The following KCNH8 variants were observed in gnomAD, a reference collection of about 807,000 sequenced individuals.
KCNH8 encodes the protein voltage-gated delayed rectifier potassium channel KCNH8.
KCNH8 carries 70 observed loss-of-function variants against 103.6 expected under a neutral mutation model. That is an observed-to-expected ratio of 0.68 (90% CI 0.56 to 0.82). The LOEUF (loss-of-function observed/expected upper bound fraction) is 0.82, where lower values mean the gene tolerates loss of function less well. KCNH8 is among the 40% of genes least tolerant of loss of function. The pLI, the probability that KCNH8 is intolerant of heterozygous loss-of-function variation, is 0.00. For missense variants in KCNH8, 1,217 were observed against 1,329.9 expected, an observed-to-expected ratio of 0.92 and a Z score of 1.32; for synonymous variants, 498 against 489.4, an observed-to-expected ratio of 1.02 and a Z score of -0.23.
At chr3:19,314,280 A>G (rs888262644) in intron 3 of KCNH8, among the ~76,000 whole-genome samples, 5 of 151,976 alleles carry the variant, frequency 3.3e-5, no homozygotes, top group Non-Finnish European at 7.4e-5. Flanking sequence ...TATTGATACT[A>G]CAGTACTTGG....
intron 1 of KCNH8, among the ~76,000 whole-genome samples, chr3:19,174,601 A>G (rs144478591): frequency 6.6e-6 from 1 of 152,296 alleles, no homozygotes; most frequent in Non-Finnish European, 1.5e-5. Context: ...TGAACTTGCA[A>G]GTTTTTAGTG....
At chr3:19,314,427 TG>T (rs912371636) in intron 3 of KCNH8, among the ~76,000 whole-genome samples, 2 of 151,800 alleles carry the variant, frequency 1.3e-5, no homozygotes, top group Admixed American at 1.3e-4. Context: ...ACAATTAGAC[TG>T]GCATGGTGGT....
intron 11 of KCNH8, among the ~76,000 whole-genome samples, chr3:19,490,133 C>T (rs977016297): frequency 5.3e-5 from 8 of 152,214 alleles, no homozygotes; most frequent in African/African-American, 1.9e-4. Context: ...GGCCGGAGTC[C>T]CCCGCAGGGA....
At position 19,336,856 on chromosome 3, in the gene KCNH8, A is replaced by G. The variant is rs192201324; in HGVS notation, c.443-5731A>G. Among the ~76,000 whole-genome samples, 531 of 152,160 alleles carry G rather than the reference A, an allele frequency of 3.5e-3. 1 individual carries two copies. Among genetic ancestry groups the G allele is most frequent in the African/African-American group, 0.012 (499 of 41,558 alleles). On this transcript the variant is annotated intron_variant, in intron 3 of 15. Transcript: ENST00000328405. ...AAGCATGTTATAAAAGTAGTTTACA[A>G]TGTAAAAGTAGGGATATGAGAGAAA... is the stretch of plus-strand genomic sequence containing the variant.
chr3:19,449,855 T>G (rs940379493), intron 8 of KCNH8, among the ~76,000 whole-genome samples: 15 of 152,112 alleles, frequency 9.9e-5, no homozygotes, highest in African/African-American at 3.6e-4. Flanking sequence ...GGGCCTATTT[T>G]GCATATGATT....
intron 5 of KCNH8, among the ~76,000 whole-genome samples, chr3:19,369,801 T>C (rs754450091): frequency 6.6e-6 from 1 of 151,962 alleles, no homozygotes; most frequent in Admixed American, 6.6e-5. Flanking sequence ...CTCGAAACCC[T>C]GTATGCTCCA....
chr3:19,505,106 A>G (rs769936379), intron 11 of KCNH8, among the ~76,000 whole-genome samples: 4 of 150,410 alleles, frequency 2.7e-5, no homozygotes, highest in Non-Finnish European at 5.9e-5. Context: ...CACACACACC[A>G]TGGAATACTA....
intron 2 of KCNH8, among the ~76,000 whole-genome samples, chr3:19,261,966 TTGTC>T (rs947716512): frequency 3.3e-5 from 5 of 151,826 alleles, no homozygotes; most frequent in Non-Finnish European, 5.9e-5. Flanking sequence ...TCCCTGTTCT[TTGTC>T]TGTTTTTAAT....
intron 7 of KCNH8, among the ~76,000 whole-genome samples, chr3:19,408,824 A>G (rs78827620): frequency 0.037 from 5,604 of 152,246 alleles, 290 homozygotes; most frequent in East Asian, 0.18. Context: ...GAAGAAAAAA[A>G]GAATTTTAAA....
chr3:19,511,585 G>T (rs2068783782), intron 12 of KCNH8, among the ~76,000 whole-genome samples: 1 of 152,072 alleles, frequency 6.6e-6, no homozygotes, highest in Admixed American at 6.6e-5. Flanking sequence ...GTATACAAAT[G>T]TTCCCCTGTA....
intron 5 of KCNH8, among the ~76,000 whole-genome samples, chr3:19,376,106 T>C (rs928537000): frequency 1.3e-5 from 2 of 152,276 alleles, no homozygotes; most frequent in South Asian, 4.1e-4. Context: ...GCAGGCCTCC[T>C]TGAGCTGTGG....
At chr3:19,372,627 G>A (rs1207877935) in intron 5 of KCNH8, among the ~76,000 whole-genome samples, 2 of 152,044 alleles carry the variant, frequency 1.3e-5, no homozygotes, top group Admixed American at 6.6e-5. Flanking sequence ...TAATTGCCCT[G>A]GCCAGAACTT....
In KCNH8 at chr3:19,166,569, A is replaced by C. The variant is rs528423923; in HGVS notation, c.76+17774A>C. On this transcript the variant is annotated intron_variant, in intron 1 of 15. Coordinates refer to ENST00000328405, the MANE Select transcript of KCNH8 (RefSeq NM_144633.3). ...TGTTGGATGATTGAATTTGTAAAAT[A>C]TGAAAAAAAAACTCGCCTGCCTCAT... 5.3e-5 allele frequency among the ~76,000 whole-genome samples: 8 copies of C among 152,300 alleles called. No individual in the cohort carries two copies. The South Asian group carries it at 1.2e-3, about 24-fold the overall frequency.
At chr3:19,455,919 T>C (rs938440360) in intron 10 of KCNH8, among the ~76,000 whole-genome samples, 1 of 152,068 alleles carries the variant, frequency 6.6e-6, no homozygotes, top group Non-Finnish European at 1.5e-5. Context: ...TCTCCTCAAA[T>C]ATACAAAATT....
chr3:19,314,447 A>G (rs943963143), intron 3 of KCNH8, among the ~76,000 whole-genome samples: 2 of 151,866 alleles, frequency 1.3e-5, no homozygotes, highest in African/African-American at 4.8e-5. Context: ...GTGAGCACCT[A>G]TAGTCTTAGC....
At chr3:19,392,318 CAAAAA>C (rs10662694) in intron 6 of KCNH8, among the ~76,000 whole-genome samples, 12 of 125,426 alleles carry the variant, frequency 9.6e-5, no homozygotes, top group African/African-American at 2.3e-4. Context: ...ACATCTGTGT[CAAAAA>C]AAAAAAAAAA....
chr3:19,341,107 C>T (rs1366052638), intron 3 of KCNH8, among the ~76,000 whole-genome samples: 12 of 152,076 alleles, frequency 7.9e-5, no homozygotes, highest in Admixed American at 1.3e-4. Context: ...GGGCTGTCCA[C>T]GTGCACAGTG....
intron 1 of KCNH8, among the ~76,000 whole-genome samples, chr3:19,151,170 C>G (rs968024494): frequency 1.3e-5 from 2 of 151,954 alleles, no homozygotes; most frequent in African/African-American, 4.8e-5. Flanking sequence ...GCCATTGTTT[C>G]TTGTTGATAC....
chr3:19,150,320 C>T (rs1299798140), intron 1 of KCNH8, among the ~76,000 whole-genome samples: 2 of 152,002 alleles, frequency 1.3e-5, no homozygotes, highest in Non-Finnish European at 2.9e-5. Flanking sequence ...CTATTCATTA[C>T]CTGAGGTACT....
Sources: gnomAD v4.1 joint callset for allele counts (sites outside exome capture counted in the v4.1 genomes callset) on GRCh38, gnomAD v4.1.1 for gene constraint, MANE v1.5 for transcripts, NCBI Gene and HGNC (gene_info 2026-07-23, HGNC 2026-07-21) for gene names.